The following DPP10 variants were observed in gnomAD, a reference collection of about 807,000 sequenced individuals.
DPP10 encodes dipeptidyl peptidase like 10.
DPP10 carries 33 observed loss-of-function variants against 120.9 expected under a neutral mutation model. The ratio of observed to expected loss-of-function variants is 0.27; its 90% confidence interval spans 0.21 to 0.37. DPP10 has a LOEUF of 0.37. Among genes scored for constraint, DPP10 ranks in the 10% least tolerant of loss-of-function variants. The probability of loss-of-function intolerance (pLI) is 1.00; values close to 1 mark genes in which losing one functional copy is unlikely to be tolerated. For synonymous variants in DPP10, 337 were observed against 326.1 expected, an observed-to-expected ratio of 1.03 and a Z score of -0.36; for missense variants, 816 against 942.8, an observed-to-expected ratio of 0.87 and a Z score of 1.76.
chr2:114,620,350 G>C (rs902890106), intron 1 of DPP10, among the ~76,000 whole-genome samples: 2 of 151,968 alleles, frequency 1.3e-5, no homozygotes, highest in Non-Finnish European at 2.9e-5. Context: ...GGCATGTAGA[G>C]AGAGAAAGAA....
chr2:114,970,117 C>A (rs181845444), intron 1 of DPP10, among the ~76,000 whole-genome samples: 2 of 152,130 alleles, frequency 1.3e-5, no homozygotes, highest in South Asian at 4.2e-4. Flanking sequence ...ACTTGGACAG[C>A]GATCAAGGCA....
chr2:114,585,603 C>T (rs1398046850), intron 1 of DPP10, among the ~76,000 whole-genome samples: 1 of 152,188 alleles, frequency 6.6e-6, no homozygotes, highest in Non-Finnish European at 1.5e-5. Context: ...GCTACAAGTT[C>T]AAACTCAACT....
chr2:114,561,871 ACTT>A (rs1688790633), intron 1 of DPP10, among the ~76,000 whole-genome samples: 1 of 152,204 alleles, frequency 6.6e-6, no homozygotes, highest in Non-Finnish European at 1.5e-5. Flanking sequence ...ATTGAACATG[ACTT>A]CTTGACTACA....
chr2:114,768,067 G>A (rs1680896244), intron 1 of DPP10, among the ~76,000 whole-genome samples: 1 of 150,406 alleles, frequency 6.6e-6, no homozygotes, highest in African/African-American at 2.5e-5. Context: ...GGTGGAGGTG[G>A]CAGTGAGCCG....
chr2:115,158,658 AG>A (rs141288119), intron 1 of DPP10, among the ~76,000 whole-genome samples: 4,286 of 152,308 alleles, frequency 0.028, 59 homozygotes, highest in African/African-American at 0.034. Flanking sequence ...CAGTTATGAG[AG>A]TCTGATTTCT....
At chr2:115,407,161 T>C (rs1408669216) in intron 3 of DPP10, among the ~76,000 whole-genome samples, 3 of 152,150 alleles carry the variant, frequency 2.0e-5, no homozygotes, top group African/African-American at 4.8e-5. Context: ...CCTGAGCCTC[T>C]ACCCTGTCTC....
In DPP10 at chr2:115,791,555, G is replaced by A. The variant is rs1262825066; in HGVS notation, c.1700+199G>A. Among the ~76,000 whole-genome samples the A allele has an allele frequency of 2.0e-5, 3 of 152,234 alleles. No homozygotes were observed. The East Asian group carries it at 5.8e-4, about 29-fold the overall frequency. ...ATGTGTAAATTTTTTTGAACTTCTTGCATCCCACATGGAGTTTGGTGCTAC... is the reference window on the plus strand; with the variant it reads ...ATGTGTAAATTTTTTTGAACTTCTTACATCCCACATGGAGTTTGGTGCTAC... On this transcript the variant is annotated intron_variant, in intron 19 of 25. Coordinates refer to ENST00000410059, the MANE Select transcript of DPP10 (RefSeq NM_020868.6).
intron 21 of DPP10, among the ~76,000 whole-genome samples, chr2:115,818,772 T>G (rs1468877800): frequency 6.6e-6 from 1 of 152,164 alleles, no homozygotes; most frequent in East Asian, 1.9e-4. Flanking sequence ...CACTCTAGGC[T>G]TCACATTTAG....
chr2:114,793,910 T>C (rs1021439614), intron 1 of DPP10, among the ~76,000 whole-genome samples: 1 of 152,170 alleles, frequency 6.6e-6, no homozygotes, highest in Admixed American at 6.5e-5. Flanking sequence ...ATCTTCCCAG[T>C]AAGTAGAGAG....
intron 5 of DPP10, among the ~76,000 whole-genome samples, chr2:115,663,941 G>A (rs934651239): frequency 2.8e-4 from 43 of 152,092 alleles, no homozygotes; most frequent in African/African-American, 1.0e-3. Context: ...GTTGCAGTGA[G>A]CCGAGATCGT....
chr2:115,043,165 C>T (rs1704795782), intron 1 of DPP10, among the ~76,000 whole-genome samples: 1 of 152,128 alleles, frequency 6.6e-6, no homozygotes, highest in Non-Finnish European at 1.5e-5. Context: ...CTGACTGATA[C>T]TTCATGTGCT....
chr2:114,827,273 C>G (rs1686638634), intron 1 of DPP10, among the ~76,000 whole-genome samples: 1 of 152,048 alleles, frequency 6.6e-6, no homozygotes, highest in Admixed American at 6.6e-5. Flanking sequence ...AGATTCAGAC[C>G]ATCCTAACCA....
At chr2:115,721,538 G>T (rs925149975) in intron 7 of DPP10, among the ~76,000 whole-genome samples, 4 of 151,932 alleles carry the variant, frequency 2.6e-5, no homozygotes, top group African/African-American at 9.7e-5. Flanking sequence ...CTAATCATCA[G>T]GGAAATGCAA....
At chr2:115,764,164 T>G (rs906504733) in intron 12 of DPP10, among the ~76,000 whole-genome samples, 1 of 152,112 alleles carries the variant, frequency 6.6e-6, no homozygotes, top group African/African-American at 2.4e-5. Context: ...ATGAGGATGT[T>G]TTTTACTTCT....
chr2:114,613,062 T>G (rs1693406061), intron 1 of DPP10, among the ~76,000 whole-genome samples: 1 of 152,130 alleles, frequency 6.6e-6, no homozygotes, highest in Non-Finnish European at 1.5e-5. Context: ...ATCATGACAT[T>G]TATCCCCAAA....
At chr2:115,638,946 C>A (rs949073845) in intron 5 of DPP10, among the ~76,000 whole-genome samples, 1 of 152,140 alleles carries the variant, frequency 6.6e-6, no homozygotes, top group Non-Finnish European at 1.5e-5. Flanking sequence ...CTCAGGTAGA[C>A]AAGAAGCCAA....
At chr2:114,682,594 A>ATTC (rs1553482617) in intron 1 of DPP10, among the ~76,000 whole-genome samples, 1 of 151,368 alleles carries the variant, frequency 6.6e-6, no homozygotes, top group Non-Finnish European at 1.5e-5. Flanking sequence ...TATTATTATT[A>ATTC]TTAGGCTTTT....
chr2:115,710,351 T>A (rs960503392), intron 7 of DPP10, among the ~76,000 whole-genome samples: 1 of 152,132 alleles, frequency 6.6e-6, no homozygotes, highest in African/African-American at 2.4e-5. Flanking sequence ...GTCTGTATGT[T>A]GTGTGACAAC....
chr2:115,344,506 C>T (rs1476459185), intron 3 of DPP10, among the ~76,000 whole-genome samples: 1 of 151,946 alleles, frequency 6.6e-6, no homozygotes, highest in South Asian at 2.1e-4. Flanking sequence ...TTAAGTGTTA[C>T]AAGCTAGTGA....
Sources: gnomAD v4.1 joint callset for allele counts (sites outside exome capture counted in the v4.1 genomes callset) on GRCh38, gnomAD v4.1.1 for gene constraint, MANE v1.5 for transcripts, NCBI Gene and HGNC (gene_info 2026-07-23, HGNC 2026-07-21) for gene names.